PHACTR1: variants seen among roughly 807,000 people sequenced by gnomAD.
PHACTR1 encodes the protein phosphatase and actin regulator 1.
In PHACTR1, 16 loss-of-function variants were observed where a neutral mutation model predicts 69.2. The ratio of observed to expected loss-of-function variants is 0.23; its 90% CI spans 0.16 to 0.35. PHACTR1 has a LOEUF of 0.35. Ranked by LOEUF, PHACTR1 falls within the 10% of genes least tolerant of loss-of-function variation. The pLI, the probability that PHACTR1 is intolerant of heterozygous loss-of-function variation, is 1.00. For synonymous variants in PHACTR1, 312 were observed against 284.5 expected, an observed-to-expected ratio of 1.10 and a Z score of -0.97; for missense variants, 510 against 734.7, an observed-to-expected ratio of 0.69 and a Z score of 3.54.
intron 4 of PHACTR1, among the ~76,000 whole-genome samples, chr6:12,900,110 G>A (rs1785040505): frequency 6.6e-6 from 1 of 152,180 alleles, no homozygotes; most frequent in South Asian, 2.1e-4. Context: ...TCACCCCACT[G>A]TATCGCCTTC....
intron 4 of PHACTR1, among the ~76,000 whole-genome samples, chr6:12,899,213 A>T (rs1274494542): frequency 6.6e-6 from 1 of 152,222 alleles, no homozygotes; most frequent in South Asian, 2.1e-4. Context: ...AATCTTATTC[A>T]TGATTTGCCC....
chr6:13,185,038 C>A (rs1405151517), intron 7 of PHACTR1: 7 of 1,316,642 alleles, frequency 5.3e-6, no homozygotes, highest in Non-Finnish European at 7.1e-6. Flanking sequence ...GCAAGCAGTC[C>A]CTCCTTCCCT....
chr6:12,855,249 C>G (rs1321554547), intron 4 of PHACTR1, among the ~76,000 whole-genome samples: 1 of 152,136 alleles, frequency 6.6e-6, no homozygotes, highest in East Asian at 1.9e-4. Context: ...GCCTGTAATC[C>G]TAGCATGCTG....
intron 4 of PHACTR1, among the ~76,000 whole-genome samples, chr6:12,978,880 A>G (rs1175562498): frequency 6.6e-6 from 1 of 152,220 alleles, no homozygotes; most frequent in African/African-American, 2.4e-5. Context: ...TTTGACCACC[A>G]GGATCATTAT....
intron 10 of PHACTR1, among the ~76,000 whole-genome samples, chr6:13,271,064 A>C (rs1001814511): frequency 1.3e-5 from 2 of 148,604 alleles, no homozygotes; most frequent in Non-Finnish European, 3.0e-5. Context: ...GCTGGAGTGC[A>C]GTGGCGCAAT....
chr6:13,144,744 C>T (rs567710490), intron 5 of PHACTR1, among the ~76,000 whole-genome samples: 1 of 145,822 alleles, frequency 6.9e-6, no homozygotes, highest in Non-Finnish European at 1.5e-5. Flanking sequence ...GTACTCCAGC[C>T]TGGGCAACAG....
chr6:13,238,073 T>A (rs890808867), intron 10 of PHACTR1, among the ~76,000 whole-genome samples: 3 of 152,196 alleles, frequency 2.0e-5, no homozygotes, highest in Admixed American at 1.3e-4. Context: ...AGGAATTTAG[T>A]TAGCTTGCTG....
At chr6:12,864,873 A>G (rs1781301920) in intron 4 of PHACTR1, among the ~76,000 whole-genome samples, 1 of 152,136 alleles carries the variant, frequency 6.6e-6, no homozygotes, top group Admixed American at 6.5e-5. Context: ...TTCATGGTTG[A>G]CTTATACAGC....
chr6:12,987,718 T>C (rs1262044660), intron 4 of PHACTR1, among the ~76,000 whole-genome samples: 2 of 152,136 alleles, frequency 1.3e-5, no homozygotes, highest in African/African-American at 2.4e-5. Context: ...GTGCTGATAG[T>C]GGAAGAAGTA....
intron 10 of PHACTR1, among the ~76,000 whole-genome samples, chr6:13,231,909 T>C (rs1473608417): frequency 6.6e-6 from 1 of 152,224 alleles, no homozygotes; most frequent in African/African-American, 2.4e-5. Flanking sequence ...CTTTGGTTAC[T>C]TTGCATAATG....
At chr6:12,930,486 G>A (rs1788748516) in intron 4 of PHACTR1, among the ~76,000 whole-genome samples, 1 of 152,172 alleles carries the variant, frequency 6.6e-6, no homozygotes, top group African/African-American at 2.4e-5. Flanking sequence ...TAACAGAATT[G>A]TGTACAGCGT....
intron 4 of PHACTR1, among the ~76,000 whole-genome samples, chr6:12,775,698 T>C (rs6941624): frequency 0.37 from 56,387 of 152,056 alleles, 11,250 homozygotes; most frequent in African/African-American, 0.5. Context: ...CTCCTTTTGC[T>C]CTAACTCTAG....
chr6:13,014,567 G>T (rs752226296), intron 4 of PHACTR1, among the ~76,000 whole-genome samples: 1 of 152,194 alleles, frequency 6.6e-6, no homozygotes, highest in East Asian at 1.9e-4. Context: ...CTTCCTTCGG[G>T]TGGCATCAGT....
rs78535927 is a variant in PHACTR1, at chr6:12,788,457, A to T, written c.250+38667A>T. Among the ~76,000 whole-genome samples, 1,084 of 152,340 alleles carry T rather than the reference A, an allele frequency of 7.1e-3. 18 individuals carry two copies. Among genetic ancestry groups the T allele is most frequent in the African/African-American group, 0.025 (1,033 of 41,592 alleles). On this transcript the variant is annotated intron_variant, in intron 4 of 14. Coordinates refer to ENST00000332995, the MANE Select transcript of PHACTR1 (RefSeq NM_030948.6). ...AGGTGATGGAGAGGAACGAAATATA[A>T]TAAATGAGAATAAATTCATCAGGAC...
At chr6:12,907,193 A>G (rs1318266253) in intron 4 of PHACTR1, among the ~76,000 whole-genome samples, 1 of 152,190 alleles carries the variant, frequency 6.6e-6, no homozygotes, top group Non-Finnish European at 1.5e-5. Flanking sequence ...ACATTACAAA[A>G]TTCTCTTTGG....
intron 3 of PHACTR1, among the ~76,000 whole-genome samples, chr6:12,727,884 G>A (rs551262254): frequency 4.6e-5 from 7 of 152,116 alleles, no homozygotes. Context: ...GCAAAACCAT[G>A]GAATGAATAT....
rs556069980 is a variant in PHACTR1 at position 13,239,237 on chromosome 6, A to G, written c.1391+9044A>G. Among the ~76,000 whole-genome samples the G allele has an allele frequency of 4.6e-5, 7 of 152,344 alleles. No homozygotes were observed. In the East Asian group the frequency reaches 1.3e-3, roughly 29 times the overall value. ...AAGGAAGACGCCAGTCACCAAACTGAAATTGTGTGTTGGGAGCAAGTCAGG... is the reference window on the plus strand; with the variant it reads ...AAGGAAGACGCCAGTCACCAAACTGGAATTGTGTGTTGGGAGCAAGTCAGG... On this transcript the variant is annotated intron_variant, in intron 10 of 14. Transcript: ENST00000332995.
At chr6:13,238,282 T>TG (rs1421988937) in intron 10 of PHACTR1, among the ~76,000 whole-genome samples, 3 of 152,184 alleles carry the variant, frequency 2.0e-5, no homozygotes, top group Non-Finnish European at 4.4e-5. Context: ...GTAGATCAGA[T>TG]GTAGTTTTCT....
intron 5 of PHACTR1, among the ~76,000 whole-genome samples, chr6:13,099,706 A>G (rs1016458063): frequency 3.9e-5 from 6 of 152,222 alleles, no homozygotes; most frequent in African/African-American, 1.4e-4. Flanking sequence ...AACTACATTG[A>G]CCCAATAAAA....
Sources: gnomAD v4.1 joint callset for allele counts (sites outside exome capture counted in the v4.1 genomes callset) on GRCh38, gnomAD v4.1.1 for gene constraint, MANE v1.5 for transcripts, NCBI Gene and HGNC (gene_info 2026-07-23, HGNC 2026-07-21) for gene names.